FREM2: variants seen among roughly 807,000 people sequenced by gnomAD.
The protein encoded by FREM2 is FRAS1 related extracellular matrix 2, also known as FRAS1-related extracellular matrix protein 2.
A neutral mutation model predicts 219.9 loss-of-function variants in FREM2; 119 were observed. That is an observed-to-expected ratio of 0.54 (90% CI 0.47 to 0.63). FREM2 has a LOEUF of 0.63. FREM2 is among the 30% of genes least tolerant of loss of function. The pLI, the probability that FREM2 is intolerant of heterozygous loss-of-function variation, is 0.00. For missense variants in FREM2, 4,030 were observed against 3,993.6 expected (o/e 1.01, Z -0.25); for synonymous variants, 1,562 against 1,522.8 (o/e 1.03, Z -0.60).
chr13:38,778,353 G>A (rs1173654615), intron 4 of FREM2, among the ~76,000 whole-genome samples: 1 of 152,114 alleles, frequency 6.6e-6, no homozygotes, highest in Non-Finnish European at 1.5e-5. Flanking sequence ...CTTGGAAATG[G>A]CTACCTTCTC....
chr13:38,756,637 C>T (rs1412939003), intron 2 of FREM2, among the ~76,000 whole-genome samples: 9 of 150,216 alleles, frequency 6.0e-5, no homozygotes, highest in African/African-American at 1.5e-4. Flanking sequence ...AAGCGATTCT[C>T]GTGTCTCAGT....
chr13:38,780,660 C>A (rs894619791), intron 4 of FREM2, among the ~76,000 whole-genome samples: 1 of 152,180 alleles, frequency 6.6e-6, no homozygotes, highest in Non-Finnish European at 1.5e-5. Context: ...TACAACTCTG[C>A]AGCACAACCT....
At chr13:38,788,019 G>C (rs555164632) in intron 6 of FREM2, among the ~76,000 whole-genome samples, 1 of 151,932 alleles carries the variant, frequency 6.6e-6, no homozygotes, top group Non-Finnish European at 1.5e-5. Context: ...GAAAGAAAAG[G>C]ACAGTACTGA....
At chr13:38,834,177 C>T (rs1018253724) in intron 6 of FREM2, among the ~76,000 whole-genome samples, 2 of 151,416 alleles carry the variant, frequency 1.3e-5, no homozygotes, top group African/African-American at 4.9e-5. Context: ...TTGATCCCCA[C>T]CCCCCAATAG....
intron 4 of FREM2, among the ~76,000 whole-genome samples, chr13:38,772,161 T>A (rs1015357953): frequency 3.7e-4 from 57 of 152,286 alleles, no homozygotes; most frequent in African/African-American, 1.2e-3. Flanking sequence ...TGTTTTGTTT[T>A]CAAAATTAAA....
At chr13:38,751,451 T>C (rs1872762176) in intron 2 of FREM2, among the ~76,000 whole-genome samples, 2 of 152,148 alleles carry the variant, frequency 1.3e-5, no homozygotes, top group Non-Finnish European at 2.9e-5. Flanking sequence ...TTGACTCTTA[T>C]TGCTGCCCAC....
chr13:38,726,336 T>C (rs895900), intron 2 of FREM2, among the ~76,000 whole-genome samples: 118,634 of 151,908 alleles, frequency 0.78, 46,428 homozygotes, highest in African/African-American at 0.8. Context: ...ATAGAGGAGG[T>C]GGTTTGGAAT....
rs1265494884 is a variant in FREM2, at chr13:38,880,790, A to C, written c.*3A>C. ...ACAATGACAGCTCAGAAGTTTGATGACTGCAGGTAGAATTCAACCTTTTCC... is the reference window on the plus strand; with the variant it reads ...ACAATGACAGCTCAGAAGTTTGATGCCTGCAGGTAGAATTCAACCTTTTCC... On this transcript the variant is annotated 3_prime_UTR_variant, in exon 24 of 24. Coordinates refer to ENST00000280481, the MANE Select transcript of FREM2 (RefSeq NM_207361.6). 3 of 1,614,062 alleles carry C rather than the reference A, an allele frequency of 1.9e-6. No homozygotes were observed. The highest frequency in any genetic ancestry group is 1.7e-5 in the Admixed American group (1 of 60,028).
chr13:38,755,961 T>C (rs1872980613), intron 2 of FREM2, among the ~76,000 whole-genome samples: 1 of 152,202 alleles, frequency 6.6e-6, no homozygotes, highest in Admixed American at 6.5e-5. Context: ...CACAGCTGTG[T>C]CTACATACTA....
intron 2 of FREM2, among the ~76,000 whole-genome samples, chr13:38,753,488 A>G (rs1872860033): frequency 6.6e-6 from 1 of 152,218 alleles, no homozygotes; most frequent in Non-Finnish European, 1.5e-5. Context: ...ATTCTGCTCT[A>G]AAATGCTTGG....
chr13:38,797,809 A>G (rs977234820), intron 6 of FREM2, among the ~76,000 whole-genome samples: 2 of 152,026 alleles, frequency 1.3e-5, no homozygotes, highest in Non-Finnish European at 2.9e-5. Context: ...TGATTTTTGT[A>G]TATGGTGAGA....
intron 6 of FREM2, among the ~76,000 whole-genome samples, chr13:38,786,686 C>CA (rs200364549): frequency 1.7e-4 from 26 of 151,162 alleles, no homozygotes; most frequent in African/African-American, 5.3e-4. Flanking sequence ...TTTTTTTTGG[C>CA]AAAAAAATCT....
intron 21 of FREM2, among the ~76,000 whole-genome samples, chr13:38,877,814 T>C (rs996301268): frequency 6.6e-6 from 1 of 152,232 alleles, no homozygotes; most frequent in African/African-American, 2.4e-5. Flanking sequence ...CTTATTTTTG[T>C]AAACTGGACT....
In FREM2 at chr13:38,691,670, C is replaced by G. The variant is rs1312144584; in HGVS notation, c.4326C>G (p.Asp1442Glu). 19 of 1,614,034 alleles carry G rather than the reference C, an allele frequency of 1.2e-5. No homozygotes were observed. Among genetic ancestry groups the G allele is most frequent in the Non-Finnish European group, 1.5e-5 (18 of 1,180,030 alleles). ...GTGGCAAAGTCACTCTTACAACAGACCTACTAAGCACTAGTGACTTGAACA... is the reference window on the plus strand; with the variant it reads ...GTGGCAAAGTCACTCTTACAACAGAGCTACTAAGCACTAGTGACTTGAACA... ...KEGGKVTLTT[D>E]LLSTSDLNSP... The change falls in exon 1 of 24, where the codon GAC (aspartate) becomes GAG (glutamate). Residue 1442 changes from aspartate (D) to glutamate (E), a missense_variant. Physicochemically the swap from Asp to Glu is conservative, Grantham distance 45 (BLOSUM62 2). This residue lies in a region of FREM2 where 3,102 missense variants were observed against 2,950.7 expected (regional missense o/e 1.05). Coordinates refer to ENST00000280481, the MANE Select transcript of FREM2 (RefSeq NM_207361.6).
In FREM2 at chr13:38,690,542, C is replaced by T; in HGVS notation, c.3198C>T (p.Ala1066=). The change falls in exon 1 of 24, where the codon GCC becomes GCT. Residue 1066 remains alanine, a synonymous_variant. Coordinates refer to ENST00000280481, the MANE Select transcript of FREM2 (RefSeq NM_207361.6). ...WVTILPVDSQ[A]PEIFVGEQLI... ...CCATCCTGCCTGTTGATAGCCAGGC[C>T]CCAGAAATCTTTGTAGGTGAACAGT... 1 of 1,614,024 alleles carries T rather than the reference C, an allele frequency of 6.2e-7. No homozygotes were observed. Among genetic ancestry groups the T allele is most frequent in the Non-Finnish European group, 8.5e-7 (1 of 1,180,004 alleles).
intron 3 of FREM2, among the ~76,000 whole-genome samples, chr13:38,765,363 T>C (rs746714930): frequency 6.6e-5 from 10 of 152,208 alleles, no homozygotes; most frequent in Non-Finnish European, 1.3e-4. Context: ...CCATATATTT[T>C]ATAGACATCT....
chr13:38,764,343 G>A lies in FREM2; in HGVS notation c.5303G>A (p.Trp1768Ter). 6.2e-7 allele frequency: 1 copy of A among 1,611,084 alleles called. No individual in the cohort carries two copies. Among genetic ancestry groups the A allele is most frequent in the Non-Finnish European group, 8.5e-7 (1 of 1,177,454 alleles). The change falls in exon 3 of 24, where the codon TGG (tryptophan) becomes TAG (stop). Residue 1768 changes from tryptophan to a stop codon, truncating the protein, a stop_gained. Transcript: ENST00000280481. LOFTEE classifies it high-confidence loss of function. ...ACGTACCAGAATTTTCGTCTGAATT[G>A]GGCATGGATCTCCTTTGAAAAGGAA... ...KLTYQNFRLNWAWISFEKEYY... is the reference protein window; with the variant it reads ...KLTYQNFRLN
chr13:38,773,137 G>A (rs984635683), intron 4 of FREM2, among the ~76,000 whole-genome samples: 3 of 152,104 alleles, frequency 2.0e-5, no homozygotes, highest in Non-Finnish European at 2.9e-5. Flanking sequence ...AAATGACTAT[G>A]TATTTTATTT....
chr13:38,875,910 A>T lies in FREM2; in HGVS notation c.8282-112A>T. 5 of 1,050,638 alleles carry T rather than the reference A, an allele frequency of 4.8e-6. No individual in the cohort carries two copies. In the Admixed American group the frequency reaches 8.5e-5, roughly 18 times the overall value. 65.1% of individuals were successfully genotyped at this position (1,050,638 alleles called of 1,614,324 possible). On this transcript the variant is annotated intron_variant, in intron 18 of 23. Transcript: ENST00000280481. ...ACCATGACTGCTTTGCAGCCTTCTT[A>T]TAAAAACAGAAGCAAATAATGTATG...
Sources: allele counts gnomAD v4.1 joint callset (sites outside exome capture counted in the v4.1 genomes callset), GRCh38; gene constraint gnomAD v4.1.1; regional missense constraint gnomAD v4.1.1; transcripts MANE v1.5; gene names NCBI Gene and HGNC (gene_info 2026-07-23, HGNC 2026-07-21).